The following SUSD2 variants were observed in gnomAD, a reference collection of about 807,000 sequenced individuals.
SUSD2 encodes the protein sushi domain containing 2, also known as sushi domain-containing protein 2.
SUSD2 carries 86 observed loss-of-function variants against 93.8 expected under a neutral mutation model. The ratio of observed to expected loss-of-function variants is 0.92; its 90% CI spans 0.77 to 1.10. SUSD2 has a LOEUF of 1.10. SUSD2 is among the 50% of genes least tolerant of loss of function. The probability of loss-of-function intolerance (pLI) is 0.00; values close to 1 mark genes in which losing one functional copy is unlikely to be tolerated. For missense variants in SUSD2, 1,060 were observed against 1,137.0 expected (o/e 0.93, Z 0.97); for synonymous variants, 483 against 485.0 (o/e 1.00, Z 0.05).
chr22:24,187,362 C>T lies in SUSD2; in HGVS notation c.1803C>T (p.Asn601=), dbSNP rs764524554. ...ACGGCCTCCTCGGGACACTCAACAA[C>T]GACCCCACCGACGACTTCACCCTGC... The part of the protein sequence containing the change: ...HTHGLLGTLN[N]DPTDDFTLHS... The change falls in exon 11 of 15, where the codon AAC becomes AAT. Residue 601 remains asparagine, a synonymous_variant. Transcript: ENST00000358321. The T allele has an allele frequency of 7.4e-6, 12 of 1,614,030 alleles. No individual in the cohort carries two copies. The highest frequency in any genetic ancestry group is 6.7e-5 in the East Asian group (3 of 44,876).
In SUSD2 at chr22:24,188,777, G is replaced by A. The variant is rs1218975033; in HGVS notation, c.*341G>A. 3 of 258,036 alleles carry A rather than the reference G, an allele frequency of 1.2e-5. No individual in the cohort carries two copies. The highest frequency in any genetic ancestry group is 8.5e-5 in the East Asian group (1 of 11,790). 16.0% of individuals were successfully genotyped at this position (258,036 alleles called of 1,614,324 possible). A position where few individuals can be genotyped will look rare whatever the true frequency, so the allele number is the denominator to read the frequency against. On this transcript the variant is annotated 3_prime_UTR_variant, in exon 15 of 15. Transcript: ENST00000358321. This position sits in a 1 kb window ranked among gnomAD's most constrained non-coding sequence, Gnocchi z 4.7. ...AATAGCTCACTCCCTAGAGCCTGAC[G>A]CCGGGGCCCCTGACCCCTGAGCCTC...
In SUSD2 at chr22:24,182,887, G is replaced by T. The variant is rs992468267; in HGVS notation, c.77-170G>T. 19 of 606,098 alleles carry T rather than the reference G, an allele frequency of 3.1e-5. No homozygotes were observed. In the African/African-American group the frequency reaches 3.5e-4, roughly 11 times the overall value. The allele number at this position is 606,098 out of a possible 1,614,324, so 37.5% of individuals were successfully genotyped here. Reference sequence around the variant, plus strand: ...GCTAAGATTCATCCCATCCCCACGGGCCCTGTGGCTTTCTACTGTGTCCAC... The same window carrying T: ...GCTAAGATTCATCCCATCCCCACGGTCCCTGTGGCTTTCTACTGTGTCCAC... On this transcript the variant is annotated intron_variant, in intron 1 of 14. Coordinates refer to ENST00000358321, the MANE Select transcript of SUSD2 (RefSeq NM_019601.4).
At chr22:24,183,430 G>A (rs1288763820) in intron 2 of SUSD2, 65 bp from the exon 3 acceptor site, 2 of 1,571,844 alleles carry the variant, frequency 1.3e-6, no homozygotes, top group African/African-American at 2.7e-5. Context: ...GAGGTTGGGG[G>A]CCCAGACCAT....
intron 2 of SUSD2, 67 bp downstream of exon 2, chr22:24,183,334 A>T: frequency 6.4e-7 from 1 of 1,555,360 alleles, no homozygotes; most frequent in South Asian, 1.1e-5. Flanking sequence ...CTGAGGGCTC[A>T]GACCCACTGA....
In SUSD2 at chr22:24,185,274, G is replaced by A. The variant is rs758786799; in HGVS notation, c.963G>A (p.Arg321=). The A allele has an allele frequency of 6.2e-7, 1 of 1,604,730 alleles. No homozygotes were observed. Among genetic ancestry groups the A allele is most frequent in the East Asian group, 2.2e-5 (1 of 44,872 alleles). ...PDCPCTLTQA[R]ADSGRFFTDY... is the part of the protein sequence containing the mutation. ...GCCCCTGCACCCTGACCCAGGCCCGGGCTGACTCCGGCCGCTTCTTCGTGA... is the reference window on the plus strand; with the variant it reads ...GCCCCTGCACCCTGACCCAGGCCCGAGCTGACTCCGGCCGCTTCTTCGTGA... Residue 321 remains arginine, a synonymous_variant, in exon 6 of 15, where the codon CGG becomes CGA. Coordinates refer to ENST00000358321, the MANE Select transcript of SUSD2 (RefSeq NM_019601.4).
At chr22:24,182,061 C>T (rs1332566883) in intron 1 of SUSD2, among the ~76,000 whole-genome samples, 3 of 152,242 alleles carry the variant, frequency 2.0e-5, no homozygotes, top group Non-Finnish European at 2.9e-5. Flanking sequence ...CCTCCTCCCC[C>T]GACCCCTGTG....
chr22:24,184,610 T>C (rs1364573051), intron 4 of SUSD2, among the ~76,000 whole-genome samples, 156 bp from the exon 5 acceptor site: 1 of 151,468 alleles, frequency 6.6e-6, no homozygotes, highest in East Asian at 2.0e-4. Context: ...TGGCAGGAGG[T>C]GATGGTCACC....
intron 1 of SUSD2, 129 bp from the exon 2 acceptor site, chr22:24,182,928 G>T: frequency 1.4e-6 from 1 of 734,864 alleles, no homozygotes; most frequent in Non-Finnish European, 2.2e-6. Flanking sequence ...GGCCTGTGCA[G>T]TTCCTGGCCA....
intron 11 of SUSD2, 31 bp downstream of exon 11, chr22:24,187,481 G>A (rs368474445): frequency 1.9e-5 from 31 of 1,607,840 alleles, no homozygotes; most frequent in Admixed American, 1.5e-4. Flanking sequence ...TGGGGCAGAC[G>A]GGGTGGGGGT....
At chr22:24,186,471 G>A (rs1319090356) in intron 10 of SUSD2, 56 bp downstream of exon 10, 10 of 1,585,984 alleles carry the variant, frequency 6.3e-6, no homozygotes, top group African/African-American at 5.4e-5. Context: ...CCCCATTCCT[G>A]CAGGGAGACT....
chr22:24,186,292 G>A lies in SUSD2; in HGVS notation c.1519G>A (p.Ala507Thr). ...CCGTGGCACTGGGCTGACCGCAGTG[G>A]CCGTCCAGGAGGGCAACTCAGATGT... ...ETRGTGLTAV[A>T]VQEGNSDVVE... The change falls in exon 10 of 15, where the codon GCC becomes ACC. Residue 507 changes from alanine (A) to threonine (T), a missense_variant. Physicochemically the swap from Ala to Thr is moderately conservative, Grantham distance 58. This residue lies in a region of SUSD2 where 973 missense variants were observed against 1,005.3 expected (regional missense o/e 0.97). Transcript: ENST00000358321. 6.2e-7 allele frequency: 1 copy of A among 1,613,818 alleles called. No individual in the cohort carries two copies. Among genetic ancestry groups the A allele is most frequent in the Non-Finnish European group, 8.5e-7 (1 of 1,180,046 alleles).
chr22:24,182,981 A>C (rs60151634), intron 1 of SUSD2, 76 bp from the exon 2 acceptor site: 1 of 1,303,924 alleles, frequency 7.7e-7, no homozygotes, highest in Admixed American at 1.9e-5. Context: ...CTGTGGGAGA[A>C]ACAGAGACAG....
Position 24,183,598 on chromosome 22 carries a change from T to C in SUSD2, c.391T>C (p.Ser131Pro), listed in dbSNP as rs112177884. 6.2e-7 allele frequency: 1 copy of C among 1,613,258 alleles called. No homozygotes were observed. The highest frequency in any genetic ancestry group is 8.5e-7 in the Non-Finnish European group (1 of 1,179,996). ...GAGCGGCCGCATCCCCTTCACTGTG[T>C]CACTGGACAACGGCCACTCCTTCCC... The part of the protein sequence containing the change: ...YESGRIPFTV[S>P]LDNGHSFPRA... The change falls in exon 3 of 15, where the codon TCA becomes CCA. Residue 131 changes from serine (S) to proline (P), a missense_variant. This residue lies in a region of SUSD2 where 973 missense variants were observed against 1,005.3 expected (regional missense o/e 0.97). Coordinates refer to ENST00000358321, the MANE Select transcript of SUSD2 (RefSeq NM_019601.4).
At chr22:24,186,897 G>T in intron 10 of SUSD2, 1 of 504,948 alleles carries the variant, frequency 2.0e-6, no homozygotes, top group Non-Finnish European at 3.6e-6. Context: ...AGGGTTCAGG[G>T]ACCCTCGGGA....
At chr22:24,181,790 C>A (rs1006940676) in intron 1 of SUSD2, among the ~76,000 whole-genome samples, 195 bp downstream of exon 1, 1 of 152,200 alleles carries the variant, frequency 6.6e-6, no homozygotes, top group Non-Finnish European at 1.5e-5. Flanking sequence ...GAGCCGGGCC[C>A]ACCCTAAACC....
chr22:24,187,122 C>A, intron 10 of SUSD2, 80 bp from the exon 11 acceptor site: 1 of 1,539,002 alleles, frequency 6.5e-7, no homozygotes, highest in South Asian at 1.2e-5. Flanking sequence ...CCCCTGGGTG[C>A]CGACCACCCT....
Position 24,183,100 on chromosome 22 carries a change from G to A in SUSD2, c.120G>A (p.Gly40=), listed in dbSNP as rs146452899. 1,533 of 1,613,926 alleles carry A rather than the reference G, an allele frequency of 9.5e-4. 1 individual carries two copies. Among genetic ancestry groups the A allele is most frequent in the Non-Finnish European group, 1.2e-3 (1,360 of 1,179,816 alleles). The part of the protein sequence containing the change: ...SCSMRCGALD[G]PCSCHPTCSG... ...CCATGCGCTGTGGCGCCCTGGACGG[G>A]CCATGTTCCTGCCACCCGACGTGCT... The change falls in exon 2 of 15, where the codon GGG becomes GGA. Residue 40 remains glycine, a synonymous_variant. Transcript: ENST00000358321.
Position 24,185,926 on chromosome 22 carries a change from C to T in SUSD2, c.1336C>T (p.Leu446=). Residue 446 remains leucine (L), a synonymous_variant, in exon 8 of 15, where the codon CTG becomes TTG. Transcript: ENST00000358321. The part of the protein sequence containing the change: ...NDCRNYRPPR[L]ASAFGDPHFV... ...CTGCCGCAACTACCGGCCCCCAAGACTGGGTGGGTGCCATCCCGTGCCCCA... is the reference window on the plus strand; with the variant it reads ...CTGCCGCAACTACCGGCCCCCAAGATTGGGTGGGTGCCATCCCGTGCCCCA... 1 of 1,569,874 alleles carries T rather than the reference C, an allele frequency of 6.4e-7. No individual in the cohort carries two copies. The highest frequency in any genetic ancestry group is 8.7e-7 in the Non-Finnish European group (1 of 1,154,066).
chr22:24,188,377 C>A lies in SUSD2; in HGVS notation c.2445-35C>A. On this transcript the variant is annotated intron_variant, in intron 14 of 14. Coordinates refer to ENST00000358321, the MANE Select transcript of SUSD2 (RefSeq NM_019601.4). This position sits in a 1 kb window ranked among gnomAD's most constrained non-coding sequence, Gnocchi z 4.7. ...AAGACCCCGAGACAGCCGGTGGGAC[C>A]ACCGAGGCTACTTCTAACTGCGTTT... is the stretch of plus-strand genomic sequence containing the variant. The A allele has an allele frequency of 6.2e-7, 1 of 1,611,240 alleles. No individual in the cohort carries two copies. The highest frequency in any genetic ancestry group is 8.5e-7 in the Non-Finnish European group (1 of 1,179,770).
Sources: allele counts gnomAD v4.1 joint callset (sites outside exome capture counted in the v4.1 genomes callset), GRCh38; gene constraint gnomAD v4.1.1; regional missense constraint gnomAD v4.1.1; non-coding constraint Gnocchi (gnomAD v3.1); transcripts MANE v1.5; gene names NCBI Gene and HGNC (gene_info 2026-07-23, HGNC 2026-07-21).